PHYHD1: variants seen among roughly 807,000 people sequenced by gnomAD.
PHYHD1 encodes phytanoyl-CoA dioxygenase domain containing 1.
In PHYHD1, 42 loss-of-function variants were observed where a neutral mutation model predicts 43.6. The ratio of observed to expected loss-of-function variants is 0.96; its 90% confidence interval spans 0.75 to 1.25. PHYHD1 has a LOEUF of 1.25. PHYHD1 is among the 50% of genes most tolerant of loss of function. The probability of loss-of-function intolerance (pLI) is 0.00; values close to 1 mark genes in which losing one functional copy is unlikely to be tolerated. For synonymous variants in PHYHD1, 139 were observed against 143.6 expected (o/e 0.97, Z 0.23); for missense variants, 342 against 370.8 (o/e 0.92, Z 0.64).
intron 2 of PHYHD1, 100 bp downstream of exon 2, chr9:128,922,147 G>T: frequency 1.6e-6 from 1 of 629,016 alleles, no homozygotes. Flanking sequence ...TTGTGGGGGT[G>T]GGGGAGATTA....
In PHYHD1 at chr9:128,941,490, A is replaced by T. The variant is rs756876885; in HGVS notation, c.749A>T (p.Gln250Leu). ...GGAGAAGTGGTACACAAGAGCAAGC[A>T]GAACCTCTCTGACCGCTCGCGCCAG... ...IHGEVVHKSK[Q>L]NLSDRSRQAY... Residue 250 changes from glutamine (Q) to leucine (L), a missense_variant, in exon 12 of 13, where the codon CAG becomes CTG. By Grantham distance (113) the Gln-to-Leu change is moderately radical. Transcript: ENST00000372592. The T allele has an allele frequency of 6.2e-7, 1 of 1,613,904 alleles. No individual in the cohort carries two copies. Among genetic ancestry groups the T allele is most frequent in the Non-Finnish European group, 8.5e-7 (1 of 1,180,022 alleles).
At chr9:128,932,413 G>C (rs1841314567) in intron 4 of PHYHD1, among the ~76,000 whole-genome samples, 1 of 151,432 alleles carries the variant, frequency 6.6e-6, no homozygotes, top group African/African-American at 2.4e-5. Flanking sequence ...TGTTGCCCAG[G>C]GTGGAGTGCA....
At chr9:128,941,344 G>T in intron 11 of PHYHD1, 101 bp from the exon 12 acceptor site, 3 of 1,484,276 alleles carry the variant, frequency 2.0e-6, no homozygotes, top group Non-Finnish European at 2.7e-6. Context: ...ATGGATGGGG[G>T]CCACAAAACC....
At position 128,936,601 on chromosome 9, in the gene PHYHD1, G is replaced by A. The variant is rs1300163709; in HGVS notation, c.391G>A (p.Gly131Ser). The A allele has an allele frequency of 1.9e-6, 3 of 1,573,356 alleles. No individual in the cohort carries two copies. The highest frequency in any genetic ancestry group is 3.7e-5 in the Admixed American group (2 of 53,600). Reference sequence around the variant, plus strand: ...CCTCCAGACCTTGGCCAGAAGTCTGGGCCTCCAGATGCCCGTGGTGGTGCA... The same window carrying A: ...CCTCCAGACCTTGGCCAGAAGTCTGAGCCTCCAGATGCCCGTGGTGGTGCA... ...FKVQTLARSL[G>S]LQMPVVVQSM... is the part of the protein sequence containing the mutation. The change falls in exon 8 of 13, where the codon GGC (glycine) becomes AGC (serine). Residue 131 changes from glycine (G) to serine (S), a missense_variant. Gly to Ser is a moderately conservative substitution (Grantham distance 56). Transcript: ENST00000372592.
chr9:128,941,660 C>A lies in PHYHD1; in HGVS notation c.831-8C>A. 1.2e-6 allele frequency: 2 copies of A among 1,614,194 alleles called. No individual in the cohort carries two copies. The highest frequency in any genetic ancestry group is 1.7e-6 in the Non-Finnish European group (2 of 1,180,022). On this transcript the variant is annotated splice_region_variant and splice_polypyrimidine_tract_variant and intron_variant, in intron 12 of 12. Coordinates refer to ENST00000372592, the MANE Select transcript of PHYHD1 (RefSeq NM_001100876.2). ...ACCTCAAGGTTGTTTCTCCTCTATCCTCTGCAGGCTCCAGCCAACAGCTGA... is the reference window on the plus strand; with the variant it reads ...ACCTCAAGGTTGTTTCTCCTCTATCATCTGCAGGCTCCAGCCAACAGCTGA...
chr9:128,937,743 C>T lies in PHYHD1; in HGVS notation c.436-14C>T, dbSNP rs764949591. The T allele has an allele frequency of 3.1e-6, 5 of 1,613,922 alleles. No homozygotes were observed. In the South Asian group the frequency reaches 4.4e-5, roughly 14 times the overall value. On this transcript the variant is annotated splice_polypyrimidine_tract_variant and intron_variant, in intron 8 of 12. Transcript: ENST00000372592. ...TCTCTTCTGTCCTCACCAGGCTTTTCCTCTCTCTTGCAGCAACCTCACTTT... is the reference window on the plus strand; with the variant it reads ...TCTCTTCTGTCCTCACCAGGCTTTTTCTCTCTCTTGCAGCAACCTCACTTT...
chr9:128,924,084 A>T (rs949527477), intron 3 of PHYHD1, among the ~76,000 whole-genome samples: 19 of 149,026 alleles, frequency 1.3e-4, no homozygotes, highest in Non-Finnish European at 2.8e-4. Context: ...ATGCCACTGC[A>T]CTCCAGCCTG....
intron 3 of PHYHD1, among the ~76,000 whole-genome samples, chr9:128,924,290 C>T (rs982236233): frequency 2.6e-5 from 4 of 151,900 alleles, no homozygotes; most frequent in East Asian, 1.9e-4. Context: ...TGGTGGCGGG[C>T]GCCTGTAGTC....
rs1352859471 is a variant in PHYHD1, at chr9:128,941,956, C to T, written c.*243C>T. 6.8e-6 allele frequency: 4 copies of T among 584,660 alleles called. No individual in the cohort carries two copies. In the East Asian group the frequency reaches 1.1e-4, roughly 16 times the overall value. 36.2% of individuals were successfully genotyped at this position (584,660 alleles called of 1,614,324 possible). A position where few individuals can be genotyped will look rare whatever the true frequency, so the allele number is the denominator to read the frequency against. The stretch of plus-strand genomic sequence containing the variant: ...CTTCTCAGCCACCAAAGGGTTCTGG[C>T]CCCTTCTCACTCTCCTCTCCTCTCA... On this transcript the variant is annotated 3_prime_UTR_variant, in exon 13 of 13. Transcript: ENST00000372592.
downstream of PHYHD1, chr9:128,942,039 G>T: frequency 2.3e-6 from 1 of 427,408 alleles, no homozygotes; most frequent in Non-Finnish European, 4.3e-6. Context: ...TCAGAATGCA[G>T]CTTCCCTACT....
intron 3 of PHYHD1, among the ~76,000 whole-genome samples, chr9:128,923,363 C>A (rs1841052680): frequency 3.3e-5 from 5 of 152,222 alleles, no homozygotes; most frequent in African/African-American, 9.6e-5. Context: ...AAGGCATGAG[C>A]CACCGCGCCC....
intron 3 of PHYHD1, among the ~76,000 whole-genome samples, chr9:128,926,316 C>CA (rs1841132059): frequency 6.6e-6 from 1 of 152,094 alleles, no homozygotes; most frequent in Admixed American, 6.6e-5. Context: ...CTGCAACCTC[C>CA]ACCTCCTGGG....
intron 4 of PHYHD1, among the ~76,000 whole-genome samples, chr9:128,930,302 A>G (rs2131102620): frequency 6.6e-6 from 1 of 151,078 alleles, no homozygotes; most frequent in South Asian, 2.1e-4. Context: ...AAAATTAGGC[A>G]TGGTGGTGTG....
intron 6 of PHYHD1, among the ~76,000 whole-genome samples, chr9:128,934,621 A>C (rs2131110884): frequency 6.6e-6 from 1 of 152,044 alleles, no homozygotes; most frequent in South Asian, 2.1e-4. Flanking sequence ...ATACAAAATT[A>C]GCTGAATATG....
chr9:128,922,144 G>A, intron 2 of PHYHD1, 97 bp downstream of exon 2: 1 of 623,810 alleles, frequency 1.6e-6, no homozygotes, highest in Non-Finnish European at 2.8e-6. Context: ...TAGTTGTGGG[G>A]GTGGGGGAGA....
intron 3 of PHYHD1, among the ~76,000 whole-genome samples, chr9:128,923,609 C>T (rs548585209): frequency 6.6e-6 from 1 of 152,260 alleles, no homozygotes; most frequent in African/African-American, 2.4e-5. Flanking sequence ...TAGATTACTC[C>T]CCACTTGGTT....
rs779487976 is a variant in PHYHD1, at chr9:128,927,146, C to G, written c.142C>G (p.His48Asp). 1.2e-6 allele frequency: 2 copies of G among 1,614,138 alleles called. No homozygotes were observed. The highest frequency in any genetic ancestry group is 1.7e-6 in the Non-Finnish European group (2 of 1,180,026). The change falls in exon 4 of 13, where the codon CAC (histidine) becomes GAC (aspartate). Residue 48 changes from histidine to aspartate, a missense_variant. By Grantham distance (81) the His-to-Asp change is moderately conservative. Transcript: ENST00000372592. ...AGTGGCTGAAATGGATGTTCCTCTC[C>G]ACTGCCGCACAGAATTCTCCACCCA... ...EIVAEMDVPLHCRTEFSTQEE... is the reference protein window; with the variant it reads ...EIVAEMDVPLDCRTEFSTQEE...
rs769343572 is a variant in PHYHD1, at chr9:128,941,785, C to T, written c.*72C>T. The T allele has an allele frequency of 2.9e-5, 47 of 1,602,440 alleles. No individual in the cohort carries two copies. The highest frequency in any genetic ancestry group is 3.8e-5 in the Non-Finnish European group (45 of 1,170,294). ...GGGCTGTAAACACCAGTGCCTTGCTCAGCCTCCTGGTTGCAACAGGGAGGT... is the reference window on the plus strand; with the variant it reads ...GGGCTGTAAACACCAGTGCCTTGCTTAGCCTCCTGGTTGCAACAGGGAGGT... On this transcript the variant is annotated 3_prime_UTR_variant, in exon 13 of 13. Transcript: ENST00000372592.
rs767279653 is a variant in PHYHD1 at position 128,941,554 on chromosome 9, C to G, written c.813C>G (p.Thr271=). 6.2e-7 allele frequency: 1 copy of G among 1,614,050 alleles called. No homozygotes were observed. Among genetic ancestry groups the G allele is most frequent in the Admixed American group, 1.7e-5 (1 of 60,008 alleles). Residue 271 remains threonine, a synonymous_variant, in exon 12 of 13, where the codon ACC becomes ACG. Transcript: ENST00000372592. ...ACCTCATGGAGGCCTCTGGCACCAC[C>G]TGGAGCCCGGAGAACTGGTAGGTGA... is the stretch of plus-strand genomic sequence containing the variant. ...TFHLMEASGT[T]WSPENWLQPT...
Sources: allele counts gnomAD v4.1 joint callset (sites outside exome capture counted in the v4.1 genomes callset), GRCh38; gene constraint gnomAD v4.1.1; transcripts MANE v1.5; gene names NCBI Gene and HGNC (gene_info 2026-07-23, HGNC 2026-07-21).